Variants in PCLO observed in about 807,000 individuals in gnomAD.
The protein encoded by PCLO is piccolo presynaptic cytomatrix protein.
Under a neutral mutation model 427.5 loss-of-function variants are expected in PCLO, and 82 were observed. The observed-to-expected ratio is 0.19, with a 90% CI of 0.16 to 0.23. The LOEUF (loss-of-function observed/expected upper bound fraction) is 0.23, where lower values mean the gene tolerates loss of function less well. PCLO is among the 10% of genes least tolerant of loss of function. PCLO has a pLI of 1.00. For missense variants in PCLO, 6,239 were observed against 6,115.9 expected, an observed-to-expected ratio of 1.02 and a Z score of -0.67; for synonymous variants, 2,357 against 2,155.4, an observed-to-expected ratio of 1.09 and a Z score of -2.59.
At chr7:83,109,483 G>C (rs1790948417) in intron 3 of PCLO, among the ~76,000 whole-genome samples, 1 of 152,066 alleles carries the variant, frequency 6.6e-6, no homozygotes, top group African/African-American at 2.4e-5. Context: ...GAATCTCTCT[G>C]ACCTTGATAT....
At chr7:82,814,811 C>T (rs1791642998) in intron 20 of PCLO, among the ~76,000 whole-genome samples, 1 of 151,724 alleles carries the variant, frequency 6.6e-6, no homozygotes, top group Non-Finnish European at 1.5e-5. Context: ...ATATTTTGAC[C>T]TTGCAGATCC....
At position 82,801,498 on chromosome 7, in the gene PCLO, T is replaced by A; in HGVS notation, c.15007+20A>T. ...GAATGCAGATTCAGCCAAAATCCAA[T>A]ATTGTAAATTTTTACTTACCTTCAG... On this transcript the variant is annotated intron_variant, in intron 22 of 24. Transcript: ENST00000333891. The A allele has an allele frequency of 7.4e-7, 1 of 1,350,852 alleles. No individual in the cohort carries two copies. The highest frequency in any genetic ancestry group is 1.1e-6 in the Non-Finnish European group (1 of 940,576). The allele number at this position is 1,350,852 out of a possible 1,614,324, so 83.7% of individuals were successfully genotyped here.
chr7:82,809,545 G>A (rs1046471285), intron 20 of PCLO, among the ~76,000 whole-genome samples: 1 of 151,314 alleles, frequency 6.6e-6, no homozygotes, highest in Non-Finnish European at 1.5e-5. Flanking sequence ...TTTCTCCTTG[G>A]TAACTTCCTT....
chr7:82,839,213 A>G (rs1164977936), intron 14 of PCLO, among the ~76,000 whole-genome samples: 1 of 152,118 alleles, frequency 6.6e-6, no homozygotes, highest in Non-Finnish European at 1.5e-5. Flanking sequence ...AAATCCATAT[A>G]GAAAGATACT....
intron 20 of PCLO, among the ~76,000 whole-genome samples, chr7:82,808,559 G>T (rs1791504702): frequency 6.6e-6 from 1 of 151,762 alleles, no homozygotes; most frequent in African/African-American, 2.4e-5. Flanking sequence ...CATTTTGAAA[G>T]CCTGTGCAAG....
chr7:82,805,520 C>T (rs1277825728), intron 21 of PCLO, among the ~76,000 whole-genome samples, 168 bp downstream of exon 21: 1 of 152,116 alleles, frequency 6.6e-6, no homozygotes, highest in Non-Finnish European at 1.5e-5. Context: ...ACTGAATTAT[C>T]CAATCTTTCT....
In PCLO at chr7:82,951,498, A is replaced by G. The variant is rs1428655219; in HGVS notation, c.9098-8T>C. On this transcript the variant is annotated splice_region_variant and splice_polypyrimidine_tract_variant and intron_variant, in intron 5 of 24. Coordinates refer to ENST00000333891, the MANE Select transcript of PCLO (RefSeq NM_033026.6). Reference sequence around the variant, plus strand: ...AATAATCCATTACCTCACCTGAAATACAGGGCAGAGTTATAGTCCAGTTCC... The same window carrying G: ...AATAATCCATTACCTCACCTGAAATGCAGGGCAGAGTTATAGTCCAGTTCC... 1.3e-6 allele frequency: 2 copies of G among 1,537,800 alleles called. No individual in the cohort carries two copies. The highest frequency in any genetic ancestry group is 1.8e-6 in the Non-Finnish European group (2 of 1,132,344).
chr7:83,121,460 A>C (rs114005180), intron 3 of PCLO, among the ~76,000 whole-genome samples: 2,899 of 152,260 alleles, frequency 0.019, 81 homozygotes, highest in African/African-American at 0.064. Context: ...ACAGAAAAGA[A>C]AGAAGAGAAA....
intron 3 of PCLO, among the ~76,000 whole-genome samples, chr7:83,118,400 A>G (rs866922872): frequency 6.6e-6 from 1 of 152,140 alleles, no homozygotes; most frequent in African/African-American, 2.4e-5. Flanking sequence ...GTGAGCAATA[A>G]TAGTACCTGA....
intron 22 of PCLO, among the ~76,000 whole-genome samples, chr7:82,790,148 T>C (rs1042714956): frequency 2.0e-5 from 3 of 152,126 alleles, no homozygotes; most frequent in African/African-American, 7.2e-5. Context: ...ATCTATTGAA[T>C]TGCCTCCAAA....
chr7:82,890,092 C>A (rs1269786270), intron 9 of PCLO, among the ~76,000 whole-genome samples: 1 of 151,322 alleles, frequency 6.6e-6, no homozygotes, highest in Non-Finnish European at 1.5e-5. Context: ...AGTATACATA[C>A]AAGAAAAAGG....
At chr7:83,044,456 T>C (rs983648462) in intron 3 of PCLO, among the ~76,000 whole-genome samples, 1 of 152,190 alleles carries the variant, frequency 6.6e-6, no homozygotes, top group African/African-American at 2.4e-5. Context: ...TCATAAAATA[T>C]TAACTGGTTG....
chr7:82,905,227 T>C (rs1304170232), intron 8 of PCLO, among the ~76,000 whole-genome samples: 1 of 152,070 alleles, frequency 6.6e-6, no homozygotes, highest in African/African-American at 2.4e-5. Flanking sequence ...GAAAGAGGGC[T>C]GTTCTTTCCT....
At chr7:82,831,910 C>A (rs1371365267) in intron 16 of PCLO, among the ~76,000 whole-genome samples, 1 of 152,080 alleles carries the variant, frequency 6.6e-6, no homozygotes, top group African/African-American at 2.4e-5. Flanking sequence ...TGTGTTGCCA[C>A]CTAACACAAT....
intron 4 of PCLO, among the ~76,000 whole-genome samples, chr7:82,958,861 C>T (rs183763830): frequency 2.0e-5 from 3 of 152,214 alleles, no homozygotes; most frequent in African/African-American, 7.2e-5. Context: ...CCAGAAAATG[C>T]CAGAGCACAT....
At chr7:83,108,374 A>G (rs180762249) in intron 3 of PCLO, among the ~76,000 whole-genome samples, 1 of 152,136 alleles carries the variant, frequency 6.6e-6, no homozygotes, top group Admixed American at 6.6e-5. Context: ...CTACTTACTT[A>G]TCTATCTGTA....
At chr7:82,839,380 T>G in intron 14 of PCLO, among the ~76,000 whole-genome samples, 1 of 152,036 alleles carries the variant, frequency 6.6e-6, no homozygotes, top group East Asian at 1.9e-4. Flanking sequence ...AGAAAATACA[T>G]ATTCAATTGC....
intron 6 of PCLO, among the ~76,000 whole-genome samples, chr7:82,942,601 A>G (rs1386434857): frequency 6.6e-6 from 1 of 152,172 alleles, no homozygotes; most frequent in African/African-American, 2.4e-5. Context: ...TGACTCATTG[A>G]CATTTGTATA....
chr7:83,150,340 T>A (rs1792098183), intron 2 of PCLO, among the ~76,000 whole-genome samples: 1 of 152,226 alleles, frequency 6.6e-6, no homozygotes, highest in South Asian at 2.1e-4. Context: ...GATACAGCTA[T>A]ACACCCCTCT....
Sources: gnomAD v4.1 joint callset for allele counts (sites outside exome capture counted in the v4.1 genomes callset) on GRCh38, gnomAD v4.1.1 for gene constraint, MANE v1.5 for transcripts, NCBI Gene and HGNC (gene_info 2026-07-23, HGNC 2026-07-21) for gene names.